The following MED21 variants were observed in gnomAD, a reference collection of about 807,000 sequenced individuals.
MED21 encodes mediator complex subunit 21, also known as mediator of RNA polymerase II transcription subunit 21.
MED21 carries 9 observed loss-of-function variants against 18.2 expected under a neutral mutation model. The observed-to-expected ratio is 0.49, with a 90% CI of 0.30 to 0.86. The LOEUF is 0.86. Among genes scored for constraint, MED21 ranks in the 40% least tolerant of loss-of-function variants. The pLI, the probability that MED21 is intolerant of heterozygous loss-of-function variation, is 0.07. For synonymous variants in MED21, 73 were observed against 60.5 expected (o/e 1.21, Z -0.96); for missense variants, 150 against 170.9 (o/e 0.88, Z 0.68).
chr12:27,026,859 A>G (rs1941551364), intron 2 of MED21, among the ~76,000 whole-genome samples: 1 of 152,264 alleles, frequency 6.6e-6, no homozygotes, highest in Non-Finnish European at 1.5e-5. Context: ...AAATGAAATT[A>G]CATACATTAT....
In MED21 at chr12:27,028,953, ATAGAGT is replaced by A. The variant is rs1197208938; in HGVS notation, c.*496_*501del. 1.7e-5 allele frequency: 17 copies of A among 985,498 alleles called. No individual in the cohort carries two copies. In the East Asian group the frequency reaches 6.8e-4, roughly 39 times the overall value. The allele number at this position is 985,498 out of a possible 1,614,324, so 61.0% of individuals were successfully genotyped here. A position where few individuals can be genotyped will look rare whatever the true frequency, so the allele number is the denominator to read the frequency against. ...TTGGAAATTGTGTTGCTTTTAAGAA[ATAGAGT>A]TAGTGTGGCTGGATAAGAAAGTCAC... On this transcript the variant is annotated 3_prime_UTR_variant, in exon 4 of 4. Transcript: ENST00000282892.
At chr12:27,024,793 G>C (rs1274557705) in intron 1 of MED21, among the ~76,000 whole-genome samples, 1 of 152,134 alleles carries the variant, frequency 6.6e-6, no homozygotes, top group Non-Finnish European at 1.5e-5. Context: ...AAATACTCAG[G>C]AGACATTTAA....
intron 1 of MED21, 46 bp downstream of exon 1, chr12:27,022,667 G>T: frequency 6.2e-7 from 1 of 1,611,910 alleles, no homozygotes; most frequent in Non-Finnish European, 8.5e-7. Flanking sequence ...CTTTCTTGAG[G>T]TAAAGCAAGG....
intron 1 of MED21, among the ~76,000 whole-genome samples, chr12:27,024,408 T>C (rs929111259): frequency 1.3e-5 from 2 of 152,170 alleles, no homozygotes; most frequent in African/African-American, 4.8e-5. Context: ...CCTGGGTGAA[T>C]AACACTAGTT....
At chr12:27,035,912 T>C (rs1447487822) in intron 2 of MED21, among the ~76,000 whole-genome samples, 1 of 152,086 alleles carries the variant, frequency 6.6e-6, no homozygotes, top group Non-Finnish European at 1.5e-5. Flanking sequence ...TGTGCATGTG[T>C]CTTTATAGCA....
At chr12:27,033,539 ATT>A (rs772458653), downstream of MED21, among the ~76,000 whole-genome samples, 7 of 152,114 alleles carry the variant, frequency 4.6e-5, no homozygotes, top group Non-Finnish European at 1.0e-4. Flanking sequence ...CCTAGTCTGG[ATT>A]TTTGTTTGTT....
chr12:27,024,222 T>G (rs1390833399), intron 1 of MED21, among the ~76,000 whole-genome samples: 8 of 152,220 alleles, frequency 5.3e-5, no homozygotes, highest in African/African-American at 1.7e-4. Flanking sequence ...GATTGTGATT[T>G]AATGTCCTAG....
chr12:27,029,097 T>C lies in MED21; in HGVS notation c.*636T>C. ...GAATTTCCTGGCTGTTGTGAAAGAA[T>C]TTTTCTACATCCTGAACTATTTTTC... On this transcript the variant is annotated 3_prime_UTR_variant, in exon 4 of 4. Transcript: ENST00000282892. 2 of 985,436 alleles carry C rather than the reference T, an allele frequency of 2.0e-6. No individual in the cohort carries two copies. The highest frequency in any genetic ancestry group is 1.1e-4 in the East Asian group (1 of 8,822). The allele number at this position is 985,436 out of a possible 1,614,324, so 61.0% of individuals were successfully genotyped here.
rs776054968 is a variant in MED21 at position 27,028,322 on chromosome 12, A to G, written c.296A>G (p.Glu99Gly). Residue 99 changes from glutamate (E) to glycine (G), a missense_variant, in exon 4 of 4, where the codon GAA becomes GGA. Physicochemically the swap from Glu to Gly is moderately conservative, Grantham distance 98 (BLOSUM62 -2). Transcript: ENST00000282892. ...SLYKLEEENH[E>G]AATCLEDVVY... is the part of the protein sequence containing the mutation. ...TATAAGCTAGAAGAAGAAAACCATG[A>G]AGCTGCTACATGTCTGGAGGATGTT... 1 of 1,613,980 alleles carries G rather than the reference A, an allele frequency of 6.2e-7. No homozygotes were observed. The highest frequency in any genetic ancestry group is 1.3e-5 in the African/African-American group (1 of 74,940).
At chr12:27,027,276 C>T in intron 2 of MED21, 71 bp from the exon 3 acceptor site, 2 of 1,073,274 alleles carry the variant, frequency 1.9e-6, no homozygotes, top group Non-Finnish European at 2.8e-6. Context: ...TTTCTGGTTT[C>T]ATTAACTTAA....
In MED21 at chr12:27,029,854, G is replaced by A. The variant is rs1172735455; in HGVS notation, c.*1393G>A. On this transcript the variant is annotated 3_prime_UTR_variant, in exon 4 of 4. Coordinates refer to ENST00000282892, the MANE Select transcript of MED21 (RefSeq NM_004264.5). ...TAAGTATTATAAAGGAGTCAAAAAGGTACAAAGAGAAAAGGTCAAGACATT... is the reference window on the plus strand; with the variant it reads ...TAAGTATTATAAAGGAGTCAAAAAGATACAAAGAGAAAAGGTCAAGACATT... 2 of 1,009,062 alleles carry A rather than the reference G, an allele frequency of 2.0e-6. No homozygotes were observed. The highest frequency in any genetic ancestry group is 2.4e-6 in the Non-Finnish European group (2 of 839,814). 62.5% of individuals were successfully genotyped at this position (1,009,062 alleles called of 1,614,324 possible). A position where few individuals can be genotyped will look rare whatever the true frequency, so the allele number is the denominator to read the frequency against.
chr12:27,027,511 T>A, intron 3 of MED21, 64 bp downstream of exon 3: 2 of 1,153,564 alleles, frequency 1.7e-6, no homozygotes, highest in Non-Finnish European at 2.6e-6. Context: ...AGGAGGTAGA[T>A]TTAGTACCTT....
rs767756259 is a variant in MED21 at position 27,028,344 on chromosome 12, T to C, written c.318T>C (p.Asp106=). 1.9e-6 allele frequency: 3 copies of C among 1,614,016 alleles called. No individual in the cohort carries two copies. The highest frequency in any genetic ancestry group is 2.2e-5 in the East Asian group (1 of 44,886). The change falls in exon 4 of 4, where the codon GAT becomes GAC. Residue 106 remains aspartate, a synonymous_variant. Coordinates refer to ENST00000282892, the MANE Select transcript of MED21 (RefSeq NM_004264.5). ...ATGAAGCTGCTACATGTCTGGAGGA[T>C]GTTGTTTATCGAGGAGACATGCTTC... is the stretch of plus-strand genomic sequence containing the variant. ...ENHEAATCLE[D]VVYRGDMLLE... is the part of the protein sequence containing the mutation.
chr12:27,036,797 T>G (rs11048825), intron 2 of MED21, among the ~76,000 whole-genome samples: 26,786 of 152,192 alleles, frequency 0.18, 2,849 homozygotes, highest in African/African-American at 0.3. Flanking sequence ...CATTGATTTA[T>G]ATCTCTGTTT....
chr12:27,024,679 G>C (rs1000065298), intron 1 of MED21, among the ~76,000 whole-genome samples: 2 of 152,192 alleles, frequency 1.3e-5, no homozygotes, highest in African/African-American at 4.8e-5. Context: ...AATGATAATT[G>C]GATTTTGGAG....
At chr12:27,035,136 G>GT (rs1204697206), downstream of MED21, among the ~76,000 whole-genome samples, 1 of 152,120 alleles carries the variant, frequency 6.6e-6, no homozygotes, top group African/African-American at 2.4e-5. Flanking sequence ...AGCCTGGGAG[G>GT]TACAGGCTGC....
chr12:27,036,358 G>A, intron 2 of MED21, among the ~76,000 whole-genome samples: 1 of 152,156 alleles, frequency 6.6e-6, no homozygotes, highest in East Asian at 1.9e-4. Context: ...AGATGAGTAG[G>A]TTGCGAAAAT....
At chr12:27,035,067 T>G (rs548674120), downstream of MED21, among the ~76,000 whole-genome samples, 1 of 152,258 alleles carries the variant, frequency 6.6e-6, no homozygotes, top group South Asian at 2.1e-4. Flanking sequence ...AACTCTTAAT[T>G]AGCCCGGTTT....
rs780418981 is a variant in MED21, at chr12:27,030,194, G to A, written c.*1733G>A. 4 of 653,930 alleles carry A rather than the reference G, an allele frequency of 6.1e-6. No individual in the cohort carries two copies. The South Asian group carries it at 6.6e-5, about 11-fold the overall frequency. 40.5% of individuals were successfully genotyped at this position (653,930 alleles called of 1,614,324 possible). The stretch of plus-strand genomic sequence containing the variant: ...GTCACCCAAGCTGAAGTGCAGTTCT[G>A]TGATCATGGCTCACTGCAGCTTCAC... On this transcript the variant is annotated 3_prime_UTR_variant, in exon 4 of 4. Transcript: ENST00000282892.
Sources: gnomAD v4.1 joint callset for allele counts (sites outside exome capture counted in the v4.1 genomes callset) on GRCh38, gnomAD v4.1.1 for gene constraint, MANE v1.5 for transcripts, NCBI Gene and HGNC (gene_info 2026-07-23, HGNC 2026-07-21) for gene names.